NELL2: variants seen among roughly 807,000 people sequenced by gnomAD.
NELL2 encodes protein kinase C-binding protein NELL2.
Under a neutral mutation model 109.6 loss-of-function variants are expected in NELL2, and 41 were observed. The observed-to-expected ratio is 0.37, with a 90% CI of 0.29 to 0.49. NELL2 has a LOEUF of 0.49. Among genes scored for constraint, NELL2 ranks in the 20% least tolerant of loss-of-function variants. The probability of loss-of-function intolerance (pLI) is 0.98; values close to 1 mark genes in which losing one functional copy is unlikely to be tolerated. For missense variants in NELL2, 900 were observed against 1,008.3 expected (o/e 0.89, Z 1.45); for synonymous variants, 355 against 344.7 (o/e 1.03, Z -0.33).
At chr12:44,713,690 T>C (rs562236856) in intron 10 of NELL2, among the ~76,000 whole-genome samples, 33 of 152,020 alleles carry the variant, frequency 2.2e-4, no homozygotes, top group African/African-American at 7.2e-4. Flanking sequence ...CAGTCTTGCC[T>C]CTTTGCATCT....
At chr12:44,642,028 T>C (rs1946877168) in intron 13 of NELL2, among the ~76,000 whole-genome samples, 1 of 152,100 alleles carries the variant, frequency 6.6e-6, no homozygotes, top group African/African-American at 2.4e-5. Context: ...CACAATTTTC[T>C]CCTCTATGAA....
intron 13 of NELL2, among the ~76,000 whole-genome samples, chr12:44,630,485 T>C (rs1442077784): frequency 6.6e-6 from 1 of 152,152 alleles, no homozygotes; most frequent in Non-Finnish European, 1.5e-5. Context: ...GTATATCTTT[T>C]GAAAAGTAAA....
intron 9 of NELL2, among the ~76,000 whole-genome samples, chr12:44,758,763 A>C (rs10748401): frequency 0.71 from 107,429 of 152,038 alleles, 38,183 homozygotes; most frequent in Non-Finnish European, 0.74. Context: ...TCATTCCTTA[A>C]CTGCCACTCA....
At chr12:44,666,589 G>A (rs1038849692) in intron 12 of NELL2, among the ~76,000 whole-genome samples, 4 of 152,140 alleles carry the variant, frequency 2.6e-5, no homozygotes, top group South Asian at 2.1e-4. Context: ...TATGTTCCCC[G>A]CCCTGAGAAT....
intron 13 of NELL2, among the ~76,000 whole-genome samples, chr12:44,644,622 A>G (rs1382335984): frequency 1.1e-5 from 1 of 92,824 alleles, no homozygotes; most frequent in Non-Finnish European, 2.2e-5. Flanking sequence ...ATATATATAT[A>G]TATACATACA....
chr12:44,532,128 A>G (rs1249256718), intron 16 of NELL2, among the ~76,000 whole-genome samples: 1 of 152,194 alleles, frequency 6.6e-6, no homozygotes, highest in East Asian at 1.9e-4. Flanking sequence ...TTACTTTGCC[A>G]GGCAAGTGTT....
intron 3 of NELL2, among the ~76,000 whole-genome samples, chr12:44,797,367 T>C (rs886591524): frequency 1.7e-4 from 26 of 152,208 alleles, no homozygotes; most frequent in Non-Finnish European, 2.9e-4. Context: ...CTGGGGAATA[T>C]AGTCTGCTTT....
At position 44,508,505 on chromosome 12, in the gene NELL2, T is replaced by G. The variant is rs1940829786; in HGVS notation, c.*429A>C. The G allele has an allele frequency of 6.3e-6, 1 of 158,824 alleles. No homozygotes were observed. Among genetic ancestry groups the G allele is most frequent in the South Asian group, 1.9e-4 (1 of 5,324 alleles). 9.8% of individuals were successfully genotyped at this position (158,824 alleles called of 1,614,324 possible). On this transcript the variant is annotated 3_prime_UTR_variant, in exon 20 of 20. Transcript: ENST00000429094. ...ATAACATGTTATAGCTTCTTTGCTTTACTTCTGAAAATATAATTCATTCAC... is the reference window on the plus strand; with the variant it reads ...ATAACATGTTATAGCTTCTTTGCTTGACTTCTGAAAATATAATTCATTCAC...
At chr12:44,529,631 G>C (rs1284110062) in intron 16 of NELL2, among the ~76,000 whole-genome samples, 1 of 152,176 alleles carries the variant, frequency 6.6e-6, no homozygotes, top group African/African-American at 2.4e-5. Flanking sequence ...AGGAGAGAGT[G>C]GGGTACCTGA....
At chr12:44,623,780 T>C (rs2136275266) in intron 13 of NELL2, among the ~76,000 whole-genome samples, 1 of 152,298 alleles carries the variant, frequency 6.6e-6, no homozygotes, top group Non-Finnish European at 1.5e-5. Context: ...AATCAGACTG[T>C]TGCTCAGACA....
intron 9 of NELL2, among the ~76,000 whole-genome samples, chr12:44,719,583 A>G (rs1292459192): frequency 6.6e-6 from 1 of 152,192 alleles, no homozygotes; most frequent in African/African-American, 2.4e-5. Flanking sequence ...AGTTATAAAC[A>G]CCAAAAAGAA....
At position 44,837,473 on chromosome 12, in the gene NELL2, G is replaced by C. The variant is rs541787970; in HGVS notation, c.185-21337C>G. 1.8e-4 allele frequency among the ~76,000 whole-genome samples: 28 copies of C among 152,264 alleles called. 1 individual carries two copies. Among genetic ancestry groups the C allele is most frequent in the African/African-American group, 6.5e-4 (27 of 41,558 alleles). On this transcript the variant is annotated intron_variant, in intron 2 of 19. Coordinates refer to ENST00000429094, the MANE Select transcript of NELL2 (RefSeq NM_001145108.2). Reference sequence around the variant, plus strand: ...TTCCGCTGATAAGTGGTAGAACTAGGACTTGAGCCCAGGTAGTCTACTCCA... The same window carrying C: ...TTCCGCTGATAAGTGGTAGAACTAGCACTTGAGCCCAGGTAGTCTACTCCA...
intron 12 of NELL2, among the ~76,000 whole-genome samples, chr12:44,670,209 C>T (rs1232511927): frequency 6.6e-6 from 1 of 152,088 alleles, no homozygotes; most frequent in Non-Finnish European, 1.5e-5. Context: ...AATAATTCAT[C>T]ATCGTTATAC....
At chr12:44,745,050 C>T (rs1050728933) in intron 9 of NELL2, among the ~76,000 whole-genome samples, 2 of 152,144 alleles carry the variant, frequency 1.3e-5, no homozygotes, top group Non-Finnish European at 2.9e-5. Flanking sequence ...TGCGAAAATC[C>T]TACATAAAAT....
intron 12 of NELL2, among the ~76,000 whole-genome samples, chr12:44,683,458 T>C (rs1366268508): frequency 6.6e-6 from 1 of 151,698 alleles, no homozygotes; most frequent in African/African-American, 2.4e-5. Context: ...AACACTATGT[T>C]GAATAGGAGT....
intron 15 of NELL2, among the ~76,000 whole-genome samples, chr12:44,591,053 T>C (rs1365631829): frequency 6.6e-6 from 1 of 151,946 alleles, no homozygotes; most frequent in Non-Finnish European, 1.5e-5. Flanking sequence ...ATCAGGGAAA[T>C]GCAAACCAAA....
intron 15 of NELL2, among the ~76,000 whole-genome samples, chr12:44,536,986 C>G (rs74085085): frequency 0.057 from 6,169 of 107,910 alleles, 450 homozygotes; most frequent in African/African-American, 0.19. Flanking sequence ...AACAAACCAA[C>G]AGGCAAACAA....
At chr12:44,587,671 C>A (rs186262853) in intron 15 of NELL2, among the ~76,000 whole-genome samples, 14 of 152,130 alleles carry the variant, frequency 9.2e-5, no homozygotes, top group African/African-American at 2.9e-4. Flanking sequence ...ATTTAGTAAA[C>A]AGCTACGTTT....
intron 1 of NELL2, among the ~76,000 whole-genome samples, chr12:44,911,180 C>T (rs1304545643): frequency 6.6e-6 from 1 of 151,880 alleles, no homozygotes; most frequent in African/African-American, 2.4e-5. Context: ...AAATAAAGTA[C>T]TGTTTTACAA....
Sources: allele counts gnomAD v4.1 joint callset (sites outside exome capture counted in the v4.1 genomes callset), GRCh38; gene constraint gnomAD v4.1.1; transcripts MANE v1.5; gene names NCBI Gene and HGNC (gene_info 2026-07-23, HGNC 2026-07-21).